The following TDO2 variants were observed in gnomAD, a reference collection of about 807,000 sequenced individuals.
TDO2 encodes the protein tryptamin 2,3-dioxygenase.
A neutral mutation model predicts 61.2 loss-of-function variants in TDO2; 63 were observed. That is an observed-to-expected ratio of 1.03 (90% CI 0.84 to 1.27). The LOEUF is 1.27. TDO2 is among the 50% of genes most tolerant of loss of function. The pLI is 0.00. For synonymous variants in TDO2, 183 were observed against 164.0 expected (o/e 1.12, Z -0.89); for missense variants, 494 against 469.5 (o/e 1.05, Z -0.48).
intron 10 of TDO2, 86 bp downstream of exon 10, chr4:155,917,560 C>G: frequency 9.3e-7 from 1 of 1,077,176 alleles, no homozygotes; most frequent in Non-Finnish European, 1.3e-6. Context: ...CCCTCCTGCC[C>G]ACTTTCTCTC....
Position 155,917,398 on chromosome 4 carries a change from A to T in TDO2, c.900A>T (p.Glu300Asp). ...TTTTCTTCTTTTTTTCCTTTAGGGAAGAGCCTAGGTTCCAGGTGCCTTTTC... is the reference window on the plus strand; with the variant it reads ...TTTTCTTCTTTTTTTCCTTTAGGGATGAGCCTAGGTTCCAGGTGCCTTTTC... ...QGALMIYFYR[E>D]EPRFQVPFQL... Residue 300 changes from glutamate to aspartate, a missense_variant, in exon 10 of 12, where the codon GAA becomes GAT. Transcript: ENST00000536354. The T allele has an allele frequency of 6.2e-7, 1 of 1,604,414 alleles. No individual in the cohort carries two copies. The highest frequency in any genetic ancestry group is 8.5e-7 in the Non-Finnish European group (1 of 1,174,722).
At chr4:155,916,169 T>C (rs190189871) in intron 9 of TDO2, among the ~76,000 whole-genome samples, 2 of 141,484 alleles carry the variant, frequency 1.4e-5, no homozygotes, top group South Asian at 2.4e-4. Flanking sequence ...ATATCCTTTT[T>C]TTTTTTTTTT....
intron 5 of TDO2, among the ~76,000 whole-genome samples, chr4:155,909,577 TAA>T (rs1742779930): frequency 6.6e-6 from 1 of 152,266 alleles, no homozygotes; most frequent in South Asian, 2.1e-4. Context: ...TTTAAAACGT[TAA>T]AGTCTTAGCA....
intron 6 of TDO2, among the ~76,000 whole-genome samples, chr4:155,911,140 A>G (rs944172973): frequency 3.3e-5 from 5 of 151,992 alleles, no homozygotes; most frequent in African/African-American, 1.2e-4. Context: ...ATAAACCAGA[A>G]TATATTAGTA....
intron 8 of TDO2, among the ~76,000 whole-genome samples, chr4:155,914,738 C>A (rs1415998934): frequency 6.6e-6 from 1 of 152,024 alleles, no homozygotes; most frequent in Non-Finnish European, 1.5e-5. Flanking sequence ...GAAATGAAGA[C>A]AAATCATTGT....
At position 155,910,163 on chromosome 4, in the gene TDO2, A is replaced by G. The variant is rs777751949; in HGVS notation, c.570A>G (p.Glu190=). 5 of 1,595,836 alleles carry G rather than the reference A, an allele frequency of 3.1e-6. No individual in the cohort carries two copies. The highest frequency in any genetic ancestry group is 4.3e-6 in the Non-Finnish European group (5 of 1,173,730). ...ATAACTTCAAAGGAGAAGAAAATGA[A>G]CTGCTACTTAAATCTGAGCAGGAAA... ...YRDNFKGEEN[E]LLLKSEQEKT... The change falls in exon 6 of 12, where the codon GAA becomes GAG. Residue 190 remains glutamate (E), a synonymous_variant. Transcript: ENST00000536354.
intron 11 of TDO2, 50 bp from the exon 12 acceptor site, chr4:155,919,787 A>T: frequency 6.7e-7 from 1 of 1,499,262 alleles, no homozygotes; most frequent in Admixed American, 2.3e-5. Context: ...TGAAAAATTT[A>T]AATATTTCAT....
At chr4:155,912,905 G>T (rs1188958901) in intron 7 of TDO2, among the ~76,000 whole-genome samples, 1 of 152,050 alleles carries the variant, frequency 6.6e-6, no homozygotes, top group Non-Finnish European at 1.5e-5. Context: ...CTGCATTAAA[G>T]AATTTTTTCT....
intron 8 of TDO2, 109 bp from the exon 9 acceptor site, chr4:155,915,746 G>T: frequency 1.3e-6 from 1 of 792,318 alleles, no homozygotes; most frequent in South Asian, 2.0e-5. Flanking sequence ...AACTTATATT[G>T]ATTTCTAAAC....
At chr4:155,903,949 C>T in intron 1 of TDO2, 69 bp from the exon 2 acceptor site, 1 of 1,484,806 alleles carries the variant, frequency 6.7e-7, no homozygotes, top group South Asian at 1.2e-5. Flanking sequence ...GAATTTTAAT[C>T]ACCCATATCA....
intron 11 of TDO2, 60 bp downstream of exon 11, chr4:155,918,299 C>T (rs1742980776): frequency 6.5e-7 from 1 of 1,536,786 alleles, no homozygotes; most frequent in Non-Finnish European, 9.0e-7. Flanking sequence ...GTTTCTCCAC[C>T]TATACATTTG....
At chr4:155,917,554 C>T (rs1424393964) in intron 10 of TDO2, 80 bp downstream of exon 10, 1 of 1,160,234 alleles carries the variant, frequency 8.6e-7, no homozygotes. Flanking sequence ...TGTGTGCCCT[C>T]CTGCCCACTT....
At position 155,903,750 on chromosome 4, in the gene TDO2, C is replaced by A. The variant is rs767056644; in HGVS notation, c.-9C>A. Reference sequence around the variant, plus strand: ...AACCTCCGTGCTTCTCAGACAGTGCCTTTTCACCATGAGTGGGTGCCCATT... The same window carrying A: ...AACCTCCGTGCTTCTCAGACAGTGCATTTTCACCATGAGTGGGTGCCCATT... On this transcript the variant is annotated 5_prime_UTR_variant, in exon 1 of 12. Coordinates refer to ENST00000536354, the MANE Select transcript of TDO2 (RefSeq NM_005651.4). 6.2e-7 allele frequency: 1 copy of A among 1,614,178 alleles called. No individual in the cohort carries two copies. The highest frequency in any genetic ancestry group is 8.5e-7 in the Non-Finnish European group (1 of 1,180,026).
intron 3 of TDO2, chr4:155,906,054 A>G (rs1209393807): frequency 1.3e-5 from 2 of 152,174 alleles, no homozygotes; most frequent in African/African-American, 4.8e-5. Flanking sequence ...GAATTTAAAA[A>G]TTGTTTAGTA....
chr4:155,919,729 A>G (rs1743009109), intron 11 of TDO2, 108 bp from the exon 12 acceptor site: 3 of 894,896 alleles, frequency 3.4e-6, no homozygotes, highest in Non-Finnish European at 5.0e-6. Context: ...ATATATTATA[A>G]TATTGAATAC....
intron 5 of TDO2, 73 bp from the exon 6 acceptor site, chr4:155,909,952 T>C (rs1156986027): frequency 4.2e-5 from 5 of 119,568 alleles, no homozygotes; most frequent in Admixed American, 3.0e-4. Context: ...CTCCCCCCCC[T>C]TTCTCTTCTC....
At chr4:155,911,171 C>G (rs1742822179) in intron 6 of TDO2, among the ~76,000 whole-genome samples, 1 of 151,758 alleles carries the variant, frequency 6.6e-6, no homozygotes, top group African/African-American at 2.4e-5. Flanking sequence ...TAAGAATATA[C>G]TCTTTAAATA....
chr4:155,907,765 T>C lies in TDO2; in HGVS notation c.276T>C (p.Ser92=), dbSNP rs921327216. 1 of 1,613,536 alleles carries C rather than the reference T, an allele frequency of 6.2e-7. No individual in the cohort carries two copies. The highest frequency in any genetic ancestry group is 1.3e-5 in the African/African-American group (1 of 74,924). ...AGCAAATCCTCTGGGAGTTGGATTC[T>C]GTTCGAGAGATCTTTCAGAATGGCC... ...WFKQILWELD[S]VREIFQNGHV... The change falls in exon 4 of 12, where the codon TCT becomes TCC. Residue 92 remains serine (S), a synonymous_variant. Transcript: ENST00000536354.
chr4:155,915,827 A>C (rs1178832549), intron 8 of TDO2, 28 bp from the exon 9 acceptor site: 7 of 1,591,236 alleles, frequency 4.4e-6, no homozygotes, highest in African/African-American at 4.1e-5. Context: ...ATGACCTAAA[A>C]AATTTAAATT....
Sources: gnomAD v4.1 joint callset for allele counts (sites outside exome capture counted in the v4.1 genomes callset) on GRCh38, gnomAD v4.1.1 for gene constraint, MANE v1.5 for transcripts, NCBI Gene and HGNC (gene_info 2026-07-23, HGNC 2026-07-21) for gene names.